The following CDC42 variants were observed in gnomAD, a reference collection of about 807,000 sequenced individuals.
CDC42 encodes the protein cell division cycle 42.
A neutral mutation model predicts 20.8 loss-of-function variants in CDC42; 1 was observed. The observed-to-expected ratio is 0.05, with a 90% CI of 0.02 to 0.23. CDC42 has a LOEUF of 0.23. Among genes scored for constraint, CDC42 ranks in the 10% least tolerant of loss-of-function variants. The pLI is 1.00. For synonymous variants in CDC42, 72 were observed against 84.8 expected (o/e 0.85, Z 0.83); for missense variants, 49 against 227.9 (o/e 0.21, Z 5.05).
intron 2 of CDC42, among the ~76,000 whole-genome samples, chr1:22,081,350 C>G (rs933561021): frequency 6.6e-5 from 10 of 152,236 alleles, no homozygotes; most frequent in Admixed American, 4.6e-4. Flanking sequence ...AGGAAATGGT[C>G]TATGAAGAAG....
intron 3 of CDC42, among the ~76,000 whole-genome samples, chr1:22,084,640 A>G (rs867082233): frequency 6.6e-6 from 1 of 151,782 alleles, no homozygotes; most frequent in Admixed American, 6.6e-5. Flanking sequence ...TGTTGATACT[A>G]TTTTCTGATG....
intron 1 of CDC42, chr1:22,064,173 T>C (rs1645395886): frequency 1.3e-5 from 2 of 152,074 alleles, no homozygotes; most frequent in African/African-American, 2.4e-5. Context: ...GAAGTGGAAA[T>C]GTATGTGTAG....
intron 1 of CDC42, among the ~76,000 whole-genome samples, chr1:22,072,637 C>T (rs1015351848): frequency 4.6e-5 from 7 of 152,110 alleles, no homozygotes; most frequent in African/African-American, 1.7e-4. Flanking sequence ...AAGTTACATC[C>T]CTCTAGTCAC....
At chr1:22,076,279 G>T (rs1016197653) in intron 1 of CDC42, among the ~76,000 whole-genome samples, 18 of 152,102 alleles carry the variant, frequency 1.2e-4, no homozygotes, top group African/African-American at 4.3e-4. Flanking sequence ...GGCCAACATG[G>T]TGAAACCCTG....
intron 5 of CDC42, among the ~76,000 whole-genome samples, chr1:22,087,301 T>C (rs1645670910): frequency 6.6e-6 from 1 of 152,234 alleles, no homozygotes; most frequent in African/African-American, 2.4e-5. Flanking sequence ...GAATTAGTCA[T>C]AATAATTGAG....
rs1044840051 is a variant in CDC42, at chr1:22,086,933, G to T, written c.486+67G>T. On this transcript the variant is annotated intron_variant, in intron 5 of 5. Coordinates refer to ENST00000656825, the MANE Select transcript of CDC42 (RefSeq NM_001791.4). The stretch of plus-strand genomic sequence containing the variant: ...CATTTATTAGAGCATTAGGATACAG[G>T]AGTTATTTCTAACAGTGATCAGCAG... 6.6e-5 allele frequency: 88 copies of T among 1,325,504 alleles called. No homozygotes were observed. In the African/African-American group the frequency reaches 1.1e-3, roughly 16 times the overall value. The allele number at this position is 1,325,504 out of a possible 1,614,324, so 82.1% of individuals were successfully genotyped here. A position where few individuals can be genotyped will look rare whatever the true frequency, so the allele number is the denominator to read the frequency against.
chr1:22,053,144 G>T (rs1645255124), intron 1 of CDC42, among the ~76,000 whole-genome samples: 1 of 151,330 alleles, frequency 6.6e-6, no homozygotes, highest in African/African-American at 2.4e-5. Flanking sequence ...AGCGACTCGC[G>T]GGCGCTTGGG....
chr1:22,086,617 C>G, intron 4 of CDC42, 52 bp from the exon 5 acceptor site: 1 of 1,590,688 alleles, frequency 6.3e-7, no homozygotes, highest in Non-Finnish European at 8.6e-7. Context: ...TTATAAATAG[C>G]ATTAGAGGCT....
intron 1 of CDC42, among the ~76,000 whole-genome samples, chr1:22,057,786 T>C (rs2501270): frequency 0.95 from 143,303 of 151,506 alleles, 67,864 homozygotes; most frequent in East Asian, 1. Context: ...TGCAGTGGCA[T>C]GATCTTGGCT....
chr1:22,077,169 A>C (rs1645561230), intron 1 of CDC42, among the ~76,000 whole-genome samples: 1 of 152,034 alleles, frequency 6.6e-6, no homozygotes, highest in Admixed American at 6.6e-5. Context: ...AAAAAGAAAA[A>C]TATACTGCAG....
chr1:22,077,658 A>G (rs1645565975), intron 1 of CDC42, among the ~76,000 whole-genome samples: 2 of 152,320 alleles, frequency 1.3e-5, no homozygotes, highest in South Asian at 2.1e-4. Flanking sequence ...AAGAGACTCA[A>G]AGATACATTC....
Position 22,098,045 on chromosome 1 carries a change from G to A in CDC42, c.*6528G>A, listed in dbSNP as rs1483155370. 6.6e-6 allele frequency among the ~76,000 whole-genome samples: 1 copy of A among 152,096 alleles called. No individual in the cohort carries two copies. The highest frequency in any genetic ancestry group is 1.5e-5 in the Non-Finnish European group (1 of 68,030). ...TGTTCTGTTTGCTCTGATGCGTCCC[G>A]CAGAGCAGTGCTTTTTCTCGGTGTG... is the stretch of plus-strand genomic sequence containing the variant. On this transcript the variant is annotated 3_prime_UTR_variant, in exon 6 of 6. Coordinates refer to ENST00000656825, the MANE Select transcript of CDC42 (RefSeq NM_001791.4).
Position 22,096,762 on chromosome 1 carries a change from A to G in CDC42, c.*5245A>G, listed in dbSNP as rs77644381. Among the ~76,000 whole-genome samples, 10 of 152,388 alleles carry G rather than the reference A, an allele frequency of 6.6e-5. No homozygotes were observed. The highest frequency in any genetic ancestry group is 2.4e-4 in the African/African-American group (10 of 41,602). On this transcript the variant is annotated 3_prime_UTR_variant, in exon 6 of 6. Transcript: ENST00000656825. ...GTGCAAATTAGAAAAGGCCCTTCCA[A>G]AGATACTTTATGAACGACTTGTAAT...
chr1:22,096,508 T>C lies in CDC42; in HGVS notation c.*4991T>C, dbSNP rs908607067. Among the ~76,000 whole-genome samples the C allele has an allele frequency of 1.3e-5, 2 of 152,208 alleles. No individual in the cohort carries two copies. The highest frequency in any genetic ancestry group is 4.8e-5 in the African/African-American group (2 of 41,448). Reference sequence around the variant, plus strand: ...TGCATATTCATGACACATTCATTTGTCATTATTTATCAAAAACCTGTTCCC... The same window carrying C: ...TGCATATTCATGACACATTCATTTGCCATTATTTATCAAAAACCTGTTCCC... On this transcript the variant is annotated 3_prime_UTR_variant, in exon 6 of 6. Transcript: ENST00000656825.
In CDC42 at chr1:22,095,430, T is replaced by C. The variant is rs1024825450; in HGVS notation, c.*3913T>C. Among the ~76,000 whole-genome samples the C allele has an allele frequency of 5.9e-5, 9 of 152,106 alleles. No homozygotes were observed. Among genetic ancestry groups the C allele is most frequent in the Admixed American group, 2.6e-4 (4 of 15,274 alleles). ...GACTACAGGCATGTGCCACCATGCC[T>C]GGCTAATGTTTTGTATTTTTAGTAG... On this transcript the variant is annotated 3_prime_UTR_variant, in exon 6 of 6. Transcript: ENST00000656825.
intron 1 of CDC42, among the ~76,000 whole-genome samples, chr1:22,055,143 C>T (rs553885364): frequency 2.0e-5 from 3 of 150,482 alleles, no homozygotes; most frequent in Admixed American, 6.6e-5. Context: ...TTAGTAGAGA[C>T]GGGGTTTCAC....
At chr1:22,078,323 T>C (rs1299585317) in intron 1 of CDC42, 106 bp from the exon 2 acceptor site, 3 of 534,680 alleles carry the variant, frequency 5.6e-6, no homozygotes, top group Non-Finnish European at 1.0e-5. Context: ...GCCATAATAA[T>C]TGTGCTAGTT....
intron 1 of CDC42, among the ~76,000 whole-genome samples, chr1:22,072,941 A>AT (rs1557899444): frequency 1.3e-5 from 2 of 152,186 alleles, no homozygotes; most frequent in Admixed American, 6.5e-5. Flanking sequence ...GAGAATATAA[A>AT]TTTTTTGTAA....
rs971609477 is a variant in CDC42, at chr1:22,099,817, T to G, written c.*8300T>G. ...TCTCTACATGGCACTCTTTTAAGCCTTTGTGTGAATTAACTCAGTCTTCTC... is the reference window on the plus strand; with the variant it reads ...TCTCTACATGGCACTCTTTTAAGCCGTTGTGTGAATTAACTCAGTCTTCTC... On this transcript the variant is annotated 3_prime_UTR_variant, in exon 6 of 6. Coordinates refer to ENST00000656825, the MANE Select transcript of CDC42 (RefSeq NM_001791.4). Among the ~76,000 whole-genome samples, 19 of 152,178 alleles carry G rather than the reference T, an allele frequency of 1.2e-4. No individual in the cohort carries two copies. Among genetic ancestry groups the G allele is most frequent in the African/African-American group, 4.3e-4 (18 of 41,434 alleles).
Sources: allele counts gnomAD v4.1 joint callset (sites outside exome capture counted in the v4.1 genomes callset), GRCh38; gene constraint gnomAD v4.1.1; transcripts MANE v1.5; gene names NCBI Gene and HGNC (gene_info 2026-07-23, HGNC 2026-07-21).